The following RLF variants were observed in gnomAD, a reference collection of about 807,000 sequenced individuals.
RLF encodes RLF zinc finger.
A neutral mutation model predicts 162.9 loss-of-function variants in RLF; 7 were observed. That is an observed-to-expected ratio of 0.04 (90% CI 0.02 to 0.08). RLF has a LOEUF of 0.08. Ranked by LOEUF, RLF falls within the 10% of genes least tolerant of loss-of-function variation. The probability of loss-of-function intolerance (pLI) is 1.00; values close to 1 mark genes in which losing one functional copy is unlikely to be tolerated. For missense variants in RLF, 1,664 were observed against 2,244.7 expected (o/e 0.74, Z 5.23); for synonymous variants, 782 against 791.5 (o/e 0.99, Z 0.20).
Position 40,199,353 on chromosome 1 carries a change from A to G in RLF, c.608-3059A>G, listed in dbSNP as rs377286436. Among the ~76,000 whole-genome samples the G allele has an allele frequency of 9.2e-5, 14 of 152,384 alleles. 1 individual carries two copies. Among genetic ancestry groups the G allele is most frequent in the East Asian group, 3.9e-4 (2 of 5,190 alleles). On this transcript the variant is annotated intron_variant, in intron 4 of 7. Transcript: ENST00000372771. ...TGTAATAAAGGAGATATCAGAGACA[A>G]TAGTAAGTACTATTAAACATTTACT...
chr1:40,198,597 G>A (rs968286703), intron 4 of RLF, among the ~76,000 whole-genome samples: 2 of 152,166 alleles, frequency 1.3e-5, no homozygotes, highest in Non-Finnish European at 2.9e-5. Context: ...CACTGTGCCC[G>A]GCAGAGCTGT....
intron 1 of RLF, among the ~76,000 whole-genome samples, chr1:40,187,554 ATAC>A (rs1325648396): frequency 2.0e-5 from 3 of 152,226 alleles, no homozygotes; most frequent in African/African-American, 7.2e-5. Context: ...AAGTAGCAAG[ATAC>A]TTAATTGAGT....
intron 4 of RLF, among the ~76,000 whole-genome samples, chr1:40,198,027 G>C (rs1163972595): frequency 6.6e-6 from 1 of 151,948 alleles, no homozygotes; most frequent in Non-Finnish European, 1.5e-5. Flanking sequence ...TTTTGAAATG[G>C]AGTTTCGCTC....
chr1:40,189,606 A>G (rs1459781612), intron 2 of RLF, among the ~76,000 whole-genome samples: 1 of 152,218 alleles, frequency 6.6e-6, no homozygotes, highest in Non-Finnish European at 1.5e-5. Flanking sequence ...AAAAAATATC[A>G]GGGTACAGTA....
At chr1:40,216,080 G>A (rs1183149324) in intron 5 of RLF, among the ~76,000 whole-genome samples, 2 of 152,050 alleles carry the variant, frequency 1.3e-5, no homozygotes, top group African/African-American at 4.8e-5. Flanking sequence ...TAAAAAAGGA[G>A]ATACCATCAA....
chr1:40,229,893 T>TC (rs1309577870), intron 6 of RLF, among the ~76,000 whole-genome samples: 6 of 152,042 alleles, frequency 3.9e-5, no homozygotes, highest in African/African-American at 1.4e-4. Flanking sequence ...GGCAGGCAGA[T>TC]CACCTGAGGT....
intron 5 of RLF, among the ~76,000 whole-genome samples, chr1:40,221,564 C>T (rs547147058): frequency 1.0e-3 from 157 of 151,594 alleles, no homozygotes; most frequent in African/African-American, 3.5e-3. Flanking sequence ...AACTGCGTAG[C>T]GCACTGGAGG....
rs183315069 is a variant in RLF at position 40,164,864 on chromosome 1, G to C, written c.237+3228G>C. 7.9e-5 allele frequency among the ~76,000 whole-genome samples: 12 copies of C among 152,260 alleles called. No individual in the cohort carries two copies. The East Asian group carries it at 9.6e-4, about 12-fold the overall frequency. ...GACACTTTTAGGTTCAAGACTAACA[G>C]TGACTTCGTAGATTTTTGATGGCTA... On this transcript the variant is annotated intron_variant, in intron 1 of 7. Coordinates refer to ENST00000372771, the MANE Select transcript of RLF (RefSeq NM_012421.4).
intron 1 of RLF, among the ~76,000 whole-genome samples, chr1:40,166,107 T>A (rs1642162003): frequency 6.6e-6 from 1 of 152,218 alleles, no homozygotes; most frequent in African/African-American, 2.4e-5. Context: ...ACATAATTTG[T>A]TTCCATGTTT....
chr1:40,221,922 A>G (rs1430431883), intron 5 of RLF, among the ~76,000 whole-genome samples: 1 of 150,698 alleles, frequency 6.6e-6, no homozygotes, highest in Non-Finnish European at 1.5e-5. Context: ...AAAAAAAGAG[A>G]AAGGAAAGGA....
At chr1:40,215,875 A>G (rs1227360677) in intron 5 of RLF, among the ~76,000 whole-genome samples, 1 of 152,022 alleles carries the variant, frequency 6.6e-6, no homozygotes, top group African/African-American at 2.4e-5. Flanking sequence ...TCACCTTAAG[A>G]AACTAGAAAA....
At chr1:40,235,731 G>T in intron 7 of RLF, 61 bp from the exon 8 acceptor site, 1 of 1,225,848 alleles carries the variant, frequency 8.2e-7, no homozygotes, top group Non-Finnish European at 1.1e-6. Flanking sequence ...CCTTATCAGT[G>T]AAAGTTATAT....
At chr1:40,218,033 G>A (rs1280522715) in intron 5 of RLF, among the ~76,000 whole-genome samples, 5 of 152,052 alleles carry the variant, frequency 3.3e-5, no homozygotes, top group African/African-American at 7.2e-5. Flanking sequence ...GTTTTCTATC[G>A]TAAATATTTT....
At chr1:40,225,578 CA>C (rs537934926) in intron 6 of RLF, among the ~76,000 whole-genome samples, 25,318 of 82,752 alleles carry the variant, frequency 0.31, 2,393 homozygotes, top group African/African-American at 0.38. Context: ...GACTCTGTCT[CA>C]AAAAAAAAAA....
chr1:40,200,318 T>C (rs1427633481), intron 4 of RLF, among the ~76,000 whole-genome samples: 1 of 152,180 alleles, frequency 6.6e-6, no homozygotes, highest in African/African-American at 2.4e-5. Flanking sequence ...GTATTACAAA[T>C]GAACAGAGCC....
At chr1:40,187,614 A>G (rs1049700479) in intron 1 of RLF, among the ~76,000 whole-genome samples, 7 of 152,232 alleles carry the variant, frequency 4.6e-5, no homozygotes, top group African/African-American at 1.7e-4. Flanking sequence ...TGATTCAGGT[A>G]TGCAAAGATC....
intron 5 of RLF, among the ~76,000 whole-genome samples, chr1:40,216,500 A>C (rs571096339): frequency 4.0e-5 from 6 of 151,176 alleles, no homozygotes; most frequent in African/African-American, 1.4e-4. Context: ...AAAAAAAAAA[A>C]AGAGAGAGAG....
chr1:40,172,952 G>C (rs1222664808), intron 1 of RLF, among the ~76,000 whole-genome samples: 1 of 152,064 alleles, frequency 6.6e-6, no homozygotes, highest in African/African-American at 2.4e-5. Flanking sequence ...ATAGTGTTTG[G>C]GAGTCCCCGT....
chr1:40,222,744 T>C (rs1337634399), intron 6 of RLF, 34 bp downstream of exon 6: 2 of 1,569,560 alleles, frequency 1.3e-6, no homozygotes, highest in East Asian at 2.2e-5. Context: ...CTTTATTTGT[T>C]AGTACATAGT....
Sources: gnomAD v4.1 joint callset for allele counts (sites outside exome capture counted in the v4.1 genomes callset) on GRCh38, gnomAD v4.1.1 for gene constraint, MANE v1.5 for transcripts, NCBI Gene and HGNC (gene_info 2026-07-23, HGNC 2026-07-21) for gene names.